The following BARD1 variants were observed in gnomAD, a reference collection of about 807,000 sequenced individuals.
BARD1 encodes BRCA1 associated RING domain 1.
BARD1 carries 73 observed loss-of-function variants against 77.0 expected under a neutral mutation model. That is an observed-to-expected ratio of 0.95 (90% CI 0.79 to 1.15). The LOEUF is 1.15. Among genes scored for constraint, BARD1 ranks in the 50% most tolerant of loss-of-function variants. BARD1 has a pLI of 0.00. For synonymous variants in BARD1, 384 were observed against 338.0 expected (o/e 1.14, Z -1.49); for missense variants, 993 against 938.8 (o/e 1.06, Z -0.75).
At chr2:214,790,363 A>C (rs940044875) in intron 3 of BARD1, among the ~76,000 whole-genome samples, 1 of 152,134 alleles carries the variant, frequency 6.6e-6, no homozygotes, top group East Asian at 1.9e-4. Context: ...GCTAAAATGA[A>C]GCGATACTGG....
chr2:214,781,474 T>G lies in BARD1; in HGVS notation c.400A>C (p.Asn134His), dbSNP rs876660852. The G allele has an allele frequency of 6.2e-7, 1 of 1,612,136 alleles. No individual in the cohort carries two copies. Residue 134 changes from asparagine (N) to histidine (H), a missense_variant, in exon 4 of 11, where the codon AAT (asparagine) becomes CAT (histidine). By Grantham distance (68) the Asn-to-His change is moderately conservative. Coordinates refer to ENST00000260947, the MANE Select transcript of BARD1 (RefSeq NM_000465.4). ...KEDKPRKSLF[N>H]DAGNKKNSIK... ...GAATTCTTCTTGTTTCCTGCATCAT[T>G]AAACAAACTTTTCCTAGGTTTATCT...
At chr2:214,729,210 C>T (rs924788210) in intron 10 of BARD1, among the ~76,000 whole-genome samples, 4 of 151,582 alleles carry the variant, frequency 2.6e-5, no homozygotes, top group Non-Finnish European at 4.4e-5. Context: ...AGGCTCAAGC[C>T]TAAACACAAA....
At chr2:214,761,289 GA>G (rs11340372) in intron 6 of BARD1, among the ~76,000 whole-genome samples, 59,690 of 131,176 alleles carry the variant, frequency 0.46, 11,940 homozygotes, top group South Asian at 0.54. Context: ...AAGGTAAAAA[GA>G]AAAAAAAAAA....
At position 214,726,216 on chromosome 2, in the gene BARD1, T is replaced by G. The variant is rs948579221; in HGVS notation, c.*2460A>C. 4.8e-6 allele frequency: 1 copy of G among 208,062 alleles called. No individual in the cohort carries two copies. Among genetic ancestry groups the G allele is most frequent in the Non-Finnish European group, 9.8e-6 (1 of 102,332 alleles). 12.9% of individuals were successfully genotyped at this position (208,062 alleles called of 1,614,324 possible). A position where few individuals can be genotyped will look rare whatever the true frequency, so the allele number is the denominator to read the frequency against. ...CATCTGGTTTCTATTTTTCAGCAAG[T>G]CAAAAGAAAAAACAATTGAGATAGA... On this transcript the variant is annotated 3_prime_UTR_variant, in exon 11 of 11. Transcript: ENST00000260947.
intron 4 of BARD1, among the ~76,000 whole-genome samples, chr2:214,770,054 C>T (rs905992848): frequency 1.3e-5 from 2 of 152,150 alleles, no homozygotes; most frequent in Admixed American, 6.5e-5. Flanking sequence ...CCAAAAACTG[C>T]CATTTTATTG....
chr2:214,726,163 A>C lies in BARD1; in HGVS notation c.*2513T>G, dbSNP rs1692076356. 4.6e-6 allele frequency: 1 copy of C among 215,060 alleles called. No homozygotes were observed. Among genetic ancestry groups the C allele is most frequent in the African/African-American group, 2.3e-5 (1 of 44,342 alleles). The allele number at this position is 215,060 out of a possible 1,614,324, so 13.3% of individuals were successfully genotyped here. A position where few individuals can be genotyped will look rare whatever the true frequency, so the allele number is the denominator to read the frequency against. On this transcript the variant is annotated 3_prime_UTR_variant, in exon 11 of 11. Coordinates refer to ENST00000260947, the MANE Select transcript of BARD1 (RefSeq NM_000465.4). ...CTTCACACATTGCTCATTTACCCTT[A>C]TTTCAATCATAATGCTAATATACTT...
At chr2:214,761,786 T>G (rs1284410295) in intron 6 of BARD1, among the ~76,000 whole-genome samples, 1 of 152,208 alleles carries the variant, frequency 6.6e-6, no homozygotes, top group East Asian at 1.9e-4. Context: ...ATATGGATAT[T>G]AGTATTGACT....
chr2:214,742,841 T>C (rs1574732327), intron 9 of BARD1, among the ~76,000 whole-genome samples: 3 of 152,234 alleles, frequency 2.0e-5, no homozygotes, highest in Admixed American at 6.5e-5. Context: ...GCTTCTTTAT[T>C]ACTGCGACCT....
At chr2:214,804,083 C>CATTTT (rs1696155766) in intron 1 of BARD1, among the ~76,000 whole-genome samples, 4 of 152,298 alleles carry the variant, frequency 2.6e-5, no homozygotes, top group Middle Eastern at 6.8e-3. Flanking sequence ...AGTGCTCTTA[C>CATTTT]ATTTTAAAGA....
chr2:214,781,142 G>A lies in BARD1; in HGVS notation c.732C>T (p.Ser244=), dbSNP rs774675180. 6.4e-7 allele frequency: 1 copy of A among 1,572,586 alleles called. No homozygotes were observed. Among genetic ancestry groups the A allele is most frequent in the Non-Finnish European group, 8.6e-7 (1 of 1,164,500 alleles). ...GAGGACTGGAGATAACAGATGGTTG[G>A]CTACAGAAGGATACCAGCTTTTGCT... ...ESKQKLVSFC[S]QPSVISSPQI... is the part of the protein sequence containing the mutation. Residue 244 remains serine, a synonymous_variant, in exon 4 of 11, where the codon AGC becomes AGT. Coordinates refer to ENST00000260947, the MANE Select transcript of BARD1 (RefSeq NM_000465.4).
At chr2:214,747,355 G>A (rs1308731395) in intron 7 of BARD1, among the ~76,000 whole-genome samples, 51 of 142,518 alleles carry the variant, frequency 3.6e-4, no homozygotes, top group African/African-American at 1.3e-3. Context: ...CCCATTACTG[G>A]GTATATACCC....
At chr2:214,737,056 A>C (rs2106002239) in intron 9 of BARD1, among the ~76,000 whole-genome samples, 1 of 152,236 alleles carries the variant, frequency 6.6e-6, no homozygotes, top group East Asian at 1.9e-4. Context: ...TTGCTGTTAT[A>C]GCATAGAAAA....
chr2:214,785,967 CCCAAATTTTG>C (rs1559430935), intron 3 of BARD1, among the ~76,000 whole-genome samples: 2 of 151,814 alleles, frequency 1.3e-5, no homozygotes, highest in African/African-American at 4.8e-5. Flanking sequence ...AAAGAAACTA[CCCAAATTTTG>C]TTTTCCTCCT....
In BARD1 at chr2:214,809,456, G is replaced by T. The variant is rs1405786437; in HGVS notation, c.114C>A (p.Arg38=). The T allele has an allele frequency of 6.2e-7, 1 of 1,611,352 alleles. No homozygotes were observed. Among genetic ancestry groups the T allele is most frequent in the Non-Finnish European group, 8.5e-7 (1 of 1,179,564 alleles). ...PDGRGAWAHS[R]AALDRLEKLL... The stretch of plus-strand genomic sequence containing the variant: ...GCTTCTCCAGGCGGTCGAGCGCGGC[G>T]CGACTGTGGGCCCAGGCACCGCGAC... The change falls in exon 1 of 11, where the codon CGC becomes CGA. Residue 38 remains arginine (R), a synonymous_variant. Transcript: ENST00000260947.
At chr2:214,807,255 G>T (rs1696318454) in intron 1 of BARD1, among the ~76,000 whole-genome samples, 2 of 151,914 alleles carry the variant, frequency 1.3e-5, no homozygotes, top group Admixed American at 6.6e-5. Context: ...GCATTCTGTA[G>T]TCAAATGGGT....
At chr2:214,747,842 A>C (rs1471606456) in intron 7 of BARD1, among the ~76,000 whole-genome samples, 5 of 151,752 alleles carry the variant, frequency 3.3e-5, no homozygotes, top group African/African-American at 9.7e-5. Flanking sequence ...TGTACCCTAA[A>C]ACTTAAAGTA....
chr2:214,761,065 A>C lies in BARD1; in HGVS notation c.1568+6417T>G, dbSNP rs562267074. ...CAGGGACTTTTTAAGGATGAACTTG[A>C]TGGGATAAAAAAAAAAAGTCCATTT... On this transcript the variant is annotated intron_variant, in intron 6 of 10. Coordinates refer to ENST00000260947, the MANE Select transcript of BARD1 (RefSeq NM_000465.4). Among the ~76,000 whole-genome samples, 4 of 126,678 alleles carry C rather than the reference A, an allele frequency of 3.2e-5. No homozygotes were observed. The East Asian group carries it at 9.3e-4, about 29-fold the overall frequency. The allele number at this position is 126,678 out of a possible 152,430, so 83.1% of individuals were successfully genotyped here.
intron 6 of BARD1, 145 bp from the exon 7 acceptor site, chr2:214,752,700 C>T (rs1574757070): frequency 2.9e-6 from 2 of 700,976 alleles, no homozygotes; most frequent in Non-Finnish European, 2.5e-6. Context: ...TCAAAAGCTG[C>T]TGAACTCAAA....
intron 9 of BARD1, among the ~76,000 whole-genome samples, chr2:214,738,061 CATATGCCAGA>C (rs1420027771): frequency 2.0e-5 from 3 of 152,128 alleles, no homozygotes; most frequent in African/African-American, 7.2e-5. Flanking sequence ...ATAACTTTTG[CATATGCCAGA>C]ATGATACATA....
Sources: allele counts gnomAD v4.1 joint callset (sites outside exome capture counted in the v4.1 genomes callset), GRCh38; gene constraint gnomAD v4.1.1; transcripts MANE v1.5; gene names NCBI Gene and HGNC (gene_info 2026-07-23, HGNC 2026-07-21).